Variants in SUPT3H observed in about 807,000 individuals in gnomAD.
SUPT3H encodes the protein transcription initiation protein SPT3 homolog.
A neutral mutation model predicts 44.3 loss-of-function variants in SUPT3H; 44 were observed. That is an observed-to-expected ratio of 0.99 (90% CI 0.78 to 1.28). The LOEUF (loss-of-function observed/expected upper bound fraction) is 1.28. Among genes scored for constraint, SUPT3H ranks in the 50% most tolerant of loss-of-function variants. The pLI is 0.00. For missense variants in SUPT3H, 380 were observed against 387.1 expected (o/e 0.98, Z 0.15); for synonymous variants, 124 against 125.6 (o/e 0.99, Z 0.09).
chr6:45,072,645 T>TA (rs75514195), intron 3 of SUPT3H, among the ~76,000 whole-genome samples: 147,670 of 152,144 alleles, frequency 0.97, 71,692 homozygotes, highest in East Asian at 1. Context: ...CACTTCAGCA[T>TA]AAAAAGGAGG....
chr6:44,949,839 A>C (rs1001794348), intron 9 of SUPT3H, among the ~76,000 whole-genome samples: 2 of 152,228 alleles, frequency 1.3e-5, no homozygotes, highest in African/African-American at 4.8e-5. Flanking sequence ...TGTTGGTGGA[A>C]GTATAAAATG....
chr6:44,926,212 G>C (rs946904892), intron 10 of SUPT3H, among the ~76,000 whole-genome samples: 22 of 151,784 alleles, frequency 1.4e-4, no homozygotes, highest in Non-Finnish European at 3.1e-4. Flanking sequence ...CCATATATTA[G>C]ATAAAAATGT....
intron 11 of SUPT3H, among the ~76,000 whole-genome samples, chr6:44,811,073 G>C (rs1231598489): frequency 6.6e-6 from 1 of 152,138 alleles, no homozygotes; most frequent in Non-Finnish European, 1.5e-5. Flanking sequence ...ATTTCCTAAA[G>C]CCCATACTTG....
intron 10 of SUPT3H, among the ~76,000 whole-genome samples, chr6:44,915,772 G>A (rs141752312): frequency 2.0e-5 from 3 of 152,108 alleles, no homozygotes; most frequent in South Asian, 2.1e-4. Context: ...TACCTATAAC[G>A]TGGAAGCTCC....
At chr6:44,839,860 C>T (rs1163886661) in intron 10 of SUPT3H, among the ~76,000 whole-genome samples, 2 of 152,182 alleles carry the variant, frequency 1.3e-5, no homozygotes, top group African/African-American at 4.8e-5. Context: ...CGCCACCACG[C>T]CCGGCTACTT....
chr6:45,353,627 A>C (rs987402741), intron 2 of SUPT3H, among the ~76,000 whole-genome samples: 1 of 152,102 alleles, frequency 6.6e-6, no homozygotes, highest in Admixed American at 6.5e-5. Flanking sequence ...AAAACAAAAC[A>C]ATGGATTAAA....
chr6:45,309,068 G>C (rs191277488), intron 2 of SUPT3H, among the ~76,000 whole-genome samples: 4 of 151,088 alleles, frequency 2.6e-5, no homozygotes, highest in Admixed American at 2.6e-4. Flanking sequence ...AAGCTAGCTA[G>C]TCATTTTGAA....
intron 10 of SUPT3H, among the ~76,000 whole-genome samples, chr6:44,890,760 A>G (rs1171783094): frequency 6.6e-6 from 1 of 150,970 alleles, no homozygotes; most frequent in Non-Finnish European, 1.5e-5. Flanking sequence ...AAGTATAATA[A>G]TAATAATAAT....
intron 2 of SUPT3H, among the ~76,000 whole-genome samples, chr6:45,144,202 G>C (rs925491250): frequency 6.6e-6 from 1 of 152,076 alleles, no homozygotes; most frequent in Admixed American, 6.6e-5. Context: ...TCTGAAGCCT[G>C]TATCACCCTA....
chr6:45,048,957 A>G (rs1265579108), intron 3 of SUPT3H, among the ~76,000 whole-genome samples: 1 of 152,200 alleles, frequency 6.6e-6, no homozygotes, highest in Non-Finnish European at 1.5e-5. Flanking sequence ...ACAGGAAAAC[A>G]TACAAGAGAA....
chr6:45,105,659 C>A (rs1478267173), intron 3 of SUPT3H, among the ~76,000 whole-genome samples: 3 of 152,090 alleles, frequency 2.0e-5, no homozygotes, highest in Non-Finnish European at 4.4e-5. Context: ...CTGCTGACTG[C>A]CCAGGGGAAC....
At position 45,016,743 on chromosome 6, in the gene SUPT3H, T is replaced by C. The variant is rs552994442; in HGVS notation, c.274-1852A>G. 5.0e-3 allele frequency among the ~76,000 whole-genome samples: 762 copies of C among 152,180 alleles called. 10 individuals carry two copies. Among genetic ancestry groups the C allele is most frequent in the African/African-American group, 0.017 (706 of 41,498 alleles). ...CACATTTTCTTAATCCAGTCTATCA[T>C]TGTTGGACATTTGGGTTGGTTCCAA... is the stretch of plus-strand genomic sequence containing the variant. On this transcript the variant is annotated intron_variant, in intron 4 of 10. Coordinates refer to ENST00000371459, the MANE Select transcript of SUPT3H (RefSeq NM_003599.4).
intron 10 of SUPT3H, among the ~76,000 whole-genome samples, chr6:44,887,723 G>C (rs1762551306): frequency 6.6e-6 from 1 of 151,006 alleles, no homozygotes; most frequent in Non-Finnish European, 1.5e-5. Flanking sequence ...AAAAGCAAGA[G>C]CAAACACATT....
At chr6:45,336,095 C>T (rs981882015) in intron 2 of SUPT3H, among the ~76,000 whole-genome samples, 2 of 151,306 alleles carry the variant, frequency 1.3e-5, no homozygotes, top group Admixed American at 6.6e-5. Flanking sequence ...TTATAAACTC[C>T]AGTGTCCACC....
intron 2 of SUPT3H, among the ~76,000 whole-genome samples, chr6:45,271,584 C>T (rs925708635): frequency 6.6e-5 from 10 of 152,174 alleles, no homozygotes; most frequent in African/African-American, 1.9e-4. Flanking sequence ...TGGATACCCA[C>T]GCTGAAGTTT....
At chr6:45,058,999 A>G (rs760628300) in intron 3 of SUPT3H, among the ~76,000 whole-genome samples, 97 of 152,114 alleles carry the variant, frequency 6.4e-4, no homozygotes, top group Admixed American at 2.6e-3. Context: ...TGACACTTAT[A>G]TTTATAATAT....
intron 11 of SUPT3H, among the ~76,000 whole-genome samples, chr6:44,818,463 G>A (rs1767056230): frequency 6.6e-6 from 1 of 152,062 alleles, no homozygotes; most frequent in African/African-American, 2.4e-5. Context: ...AATAAAAATT[G>A]ATAACTTTGA....
chr6:45,349,825 A>C (rs1791650926), intron 2 of SUPT3H, among the ~76,000 whole-genome samples: 1 of 152,250 alleles, frequency 6.6e-6, no homozygotes, highest in Admixed American at 6.5e-5. Flanking sequence ...TCCACTGCAT[A>C]ATCAGTTCAT....
chr6:44,877,396 G>A (rs987107140), intron 10 of SUPT3H, among the ~76,000 whole-genome samples: 1 of 149,872 alleles, frequency 6.7e-6, no homozygotes, highest in Admixed American at 6.7e-5. Context: ...TTGAACCCCA[G>A]AGGCAGAGGT....
Sources: gnomAD v4.1 joint callset for allele counts (sites outside exome capture counted in the v4.1 genomes callset) on GRCh38, gnomAD v4.1.1 for gene constraint, MANE v1.5 for transcripts, NCBI Gene and HGNC (gene_info 2026-07-23, HGNC 2026-07-21) for gene names.